The following RARB variants were observed in gnomAD, a reference collection of about 807,000 sequenced individuals.
The protein encoded by RARB is retinoic acid receptor beta.
A neutral mutation model predicts 51.9 loss-of-function variants in RARB; 17 were observed. The observed-to-expected ratio is 0.33, with a 90% confidence interval of 0.22 to 0.49. The LOEUF is 0.49. RARB is among the 20% of genes least tolerant of loss of function. RARB has a pLI of 0.99. For missense variants in RARB, 369 were observed against 550.8 expected (o/e 0.67, Z 3.30); for synonymous variants, 215 against 195.4 (o/e 1.10, Z -0.84).
chr3:25,300,492 A>G (rs1559349393), intron 5 of RARB, among the ~76,000 whole-genome samples: 2 of 152,216 alleles, frequency 1.3e-5, no homozygotes, highest in African/African-American at 2.4e-5. Flanking sequence ...GAAGAGGCAC[A>G]GGGACAGGGT....
intron 3 of RARB, among the ~76,000 whole-genome samples, chr3:25,100,401 G>T (rs367599429): frequency 1.2e-3 from 181 of 152,242 alleles, no homozygotes; most frequent in African/African-American, 4.1e-3. Context: ...TCTAGATATA[G>T]AATTTATTTG....
intron 5 of RARB, among the ~76,000 whole-genome samples, chr3:25,233,820 A>G (rs748686606): frequency 4.7e-5 from 7 of 149,648 alleles, no homozygotes; most frequent in Non-Finnish European, 8.9e-5. Flanking sequence ...TAGTTTTTCT[A>G]TATCTATTGA....
chr3:24,945,438 G>A (rs865788338), intron 2 of RARB, among the ~76,000 whole-genome samples: 7 of 152,208 alleles, frequency 4.6e-5, no homozygotes, highest in African/African-American at 2.4e-5. Context: ...AGACATAAGT[G>A]ATAGCAGTGG....
At chr3:25,308,358 A>C (rs145809077) in intron 5 of RARB, among the ~76,000 whole-genome samples, 1 of 152,112 alleles carries the variant, frequency 6.6e-6, no homozygotes, top group Admixed American at 6.5e-5. Context: ...CTTTGCAGCC[A>C]TACAGACTAG....
intron 5 of RARB, among the ~76,000 whole-genome samples, chr3:25,395,729 A>G (rs1707095878): frequency 6.6e-6 from 1 of 151,738 alleles, no homozygotes; most frequent in Non-Finnish European, 1.5e-5. Flanking sequence ...TCTCTATGCT[A>G]TCTATTTCTC....
chr3:25,260,993 A>G (rs13074533), intron 5 of RARB, among the ~76,000 whole-genome samples: 15,570 of 152,092 alleles, frequency 0.1, 986 homozygotes, highest in South Asian at 0.25. Context: ...AAGTCACTTA[A>G]CCTATGTTTC....
chr3:25,385,312 G>A (rs568032796), intron 5 of RARB, among the ~76,000 whole-genome samples: 2 of 152,214 alleles, frequency 1.3e-5, no homozygotes, highest in South Asian at 4.1e-4. Flanking sequence ...AGACTATATT[G>A]CCTGTTCGTG....
chr3:25,026,629 GA>G (rs11363279), intron 2 of RARB, among the ~76,000 whole-genome samples: 78,106 of 152,012 alleles, frequency 0.51, 20,403 homozygotes, highest in East Asian at 0.66. Flanking sequence ...ATCACATTCT[GA>G]AGTACTTAGG....
At chr3:25,380,477 C>G (rs1208557603) in intron 5 of RARB, among the ~76,000 whole-genome samples, 1 of 152,156 alleles carries the variant, frequency 6.6e-6, no homozygotes, top group Non-Finnish European at 1.5e-5. Flanking sequence ...TGACCATTTC[C>G]CTGACCCAGC....
At chr3:25,431,892 C>T (rs1373887975) in intron 1 of RARB, among the ~76,000 whole-genome samples, 1 of 152,094 alleles carries the variant, frequency 6.6e-6, no homozygotes, top group Non-Finnish European at 1.5e-5. Context: ...GTATCTAAAT[C>T]CTCTCCTAGT....
At chr3:25,387,399 G>T (rs1397112467) in intron 5 of RARB, among the ~76,000 whole-genome samples, 2 of 152,112 alleles carry the variant, frequency 1.3e-5, no homozygotes, top group African/African-American at 4.8e-5. Context: ...GCACCTTATG[G>T]GTAGGAAACA....
chr3:25,180,728 T>A (rs1392681254), intron 5 of RARB, among the ~76,000 whole-genome samples: 1 of 152,146 alleles, frequency 6.6e-6, no homozygotes, highest in Non-Finnish European at 1.5e-5. Flanking sequence ...GAATGAATCT[T>A]TGTAATTTTA....
intron 1 of RARB, among the ~76,000 whole-genome samples, chr3:25,451,028 A>G (rs576460754): frequency 2.3e-4 from 35 of 152,304 alleles, no homozygotes; most frequent in Admixed American, 4.6e-4. Context: ...CGGAGGTTGC[A>G]GTGAGCTGAG....
chr3:24,838,799 G>C (rs1353763018), intron 1 of RARB, among the ~76,000 whole-genome samples: 1 of 152,014 alleles, frequency 6.6e-6, no homozygotes, highest in Non-Finnish European at 1.5e-5. Context: ...CATGAAAGAG[G>C]GCAGCCCTAA....
At chr3:25,367,302 AC>A in intron 5 of RARB, among the ~76,000 whole-genome samples, 2 of 152,332 alleles carry the variant, frequency 1.3e-5, no homozygotes, top group East Asian at 3.9e-4. Flanking sequence ...GGCATCAGTC[AC>A]ACTTTGACAG....
intron 2 of RARB, among the ~76,000 whole-genome samples, chr3:24,971,055 C>T (rs1322357485): frequency 1.3e-5 from 2 of 151,898 alleles, no homozygotes; most frequent in African/African-American, 4.8e-5. Context: ...AGGTTATATG[C>T]AGTACAGGAG....
chr3:25,397,908 T>A (rs1707158893), intron 5 of RARB, among the ~76,000 whole-genome samples: 1 of 151,838 alleles, frequency 6.6e-6, no homozygotes, highest in African/African-American at 2.4e-5. Context: ...AATTCTTACA[T>A]ACATTTCAAG....
chr3:24,858,889 T>A (rs1228856136), intron 2 of RARB: 1 of 151,896 alleles, frequency 6.6e-6, no homozygotes, highest in African/African-American at 2.4e-5. Flanking sequence ...ATACAAAAAT[T>A]AGCCGGGCAT....
intron 2 of RARB, among the ~76,000 whole-genome samples, chr3:24,920,652 C>A (rs891571358): frequency 2.6e-5 from 4 of 152,274 alleles, no homozygotes; most frequent in African/African-American, 9.6e-5. Flanking sequence ...TCCTGACTCT[C>A]AATTTTGTTT....
Sources: gnomAD v4.1 joint callset for allele counts (sites outside exome capture counted in the v4.1 genomes callset) on GRCh38, gnomAD v4.1.1 for gene constraint, MANE v1.5 for transcripts, NCBI Gene and HGNC (gene_info 2026-07-23, HGNC 2026-07-21) for gene names.